MAK: variants seen among roughly 807,000 people sequenced by gnomAD.
MAK encodes the protein serine/threonine-protein kinase MAK.
Under a neutral mutation model 82.6 loss-of-function variants are expected in MAK, and 65 were observed. The observed-to-expected ratio is 0.79, with a 90% CI of 0.64 to 0.97. The LOEUF (loss-of-function observed/expected upper bound fraction) is 0.97. MAK is among the 50% of genes least tolerant of loss of function. MAK has a pLI of 0.00. For synonymous variants in MAK, 250 were observed against 274.2 expected (o/e 0.91, Z 0.87); for missense variants, 703 against 780.2 (o/e 0.90, Z 1.18).
chr6:10,822,323 G>T (rs1471544369), intron 2 of MAK, among the ~76,000 whole-genome samples: 1 of 151,624 alleles, frequency 6.6e-6, no homozygotes, highest in African/African-American at 2.4e-5. Flanking sequence ...GCATGGTGGC[G>T]CATGCCTATA....
At chr6:10,810,345 C>CTTTTTTTT (rs111859354) in intron 5 of MAK, among the ~76,000 whole-genome samples, 50 of 121,666 alleles carry the variant, frequency 4.1e-4, no homozygotes, top group African/African-American at 6.8e-4. Context: ...TTATCTTTTT[C>CTTTTTTTT]TTTTTTTTTT....
At chr6:10,813,779 A>G (rs1777246718) in intron 4 of MAK, 56 bp from the exon 5 acceptor site, 8 of 974,198 alleles carry the variant, frequency 8.2e-6, no homozygotes, top group Non-Finnish European at 1.3e-5. Context: ...AACCAATCCA[A>G]AGAAGGTTTA....
Position 10,776,889 on chromosome 6 carries a change from A to G in MAK, c.1466-1430T>C, listed in dbSNP as rs529360578. ...ATCACGAGGTCAGGAGTTTGAGACC[A>G]GCTTGGCCAACATAGTGAAACCCCA... On this transcript the variant is annotated intron_variant, in intron 11 of 14. Coordinates refer to ENST00000354489, the MANE Select transcript of MAK (RefSeq NM_001242957.3). The surrounding 1 kb of genome is among the most constrained non-coding windows in gnomAD (Gnocchi z 4.3). Among the ~76,000 whole-genome samples the G allele has an allele frequency of 9.3e-5, 14 of 151,190 alleles. No individual in the cohort carries two copies. In the East Asian group the frequency reaches 2.8e-3, roughly 30 times the overall value.
chr6:10,791,523 T>G (rs1775083020), intron 10 of MAK, 152 bp downstream of exon 10: 2 of 685,332 alleles, frequency 2.9e-6, no homozygotes, highest in Non-Finnish European at 4.9e-6. Flanking sequence ...TGCCTCGGCC[T>G]CCCAAAGTGC....
intron 8 of MAK, chr6:10,797,872 G>C (rs1198034646): frequency 1.6e-6 from 2 of 1,283,572 alleles, no homozygotes; most frequent in Admixed American, 2.4e-5. Context: ...TAAAAAGCAG[G>C]GCTGTGAAAC....
In MAK at chr6:10,834,376, A is replaced by G. The variant is rs560880661; in HGVS notation, c.-229-3499T>C. Among the ~76,000 whole-genome samples the G allele has an allele frequency of 1.2e-3, 183 of 152,334 alleles. 1 individual carries two copies. Among genetic ancestry groups the G allele is most frequent in the African/African-American group, 1.6e-3 (68 of 41,580 alleles). On this transcript the variant is annotated intron_variant, in intron 1 of 14. Transcript: ENST00000354489. ...AACTAGAGAATCAACGATGGAGTCA[A>G]TCCAATAGTTGCATTTGGCTTGATG...
At chr6:10,775,570 A>G (rs1773394672) in intron 11 of MAK, 111 bp from the exon 12 acceptor site, 2 of 1,206,730 alleles carry the variant, frequency 1.7e-6, no homozygotes, top group Admixed American at 3.5e-5. Context: ...AGGAGAATGG[A>G]AATAAATCTA....
intron 11 of MAK, among the ~76,000 whole-genome samples, chr6:10,777,121 T>C (rs1277277251): frequency 6.6e-6 from 1 of 151,754 alleles, no homozygotes; most frequent in East Asian, 1.9e-4. Context: ...TTAAAACATC[T>C]TTAGGCCAGG....
At chr6:10,823,604 A>G (rs1778126082) in intron 2 of MAK, among the ~76,000 whole-genome samples, 1 of 152,176 alleles carries the variant, frequency 6.6e-6, no homozygotes, top group African/African-American at 2.4e-5. Flanking sequence ...ATCTCAGCTC[A>G]CTGCAACCTC....
chr6:10,813,008 C>A (rs571605891), intron 5 of MAK, among the ~76,000 whole-genome samples: 5 of 139,806 alleles, frequency 3.6e-5, no homozygotes, highest in Non-Finnish European at 7.7e-5. Flanking sequence ...AAGGTGATCC[C>A]CCCCCCCGCC....
chr6:10,823,374 C>G (rs1176198747), intron 2 of MAK, among the ~76,000 whole-genome samples: 1 of 152,178 alleles, frequency 6.6e-6, no homozygotes, highest in Non-Finnish European at 1.5e-5. Flanking sequence ...CTCCCAGCCC[C>G]CGACACCGGC....
At position 10,803,578 on chromosome 6, in the gene MAK, A is replaced by G; in HGVS notation, c.663+142T>C. On this transcript the variant is annotated intron_variant, in intron 7 of 14. Coordinates refer to ENST00000354489, the MANE Select transcript of MAK (RefSeq NM_001242957.3). ...AAAAAGAATTATAAGAAAATTAATC[A>G]TTAAAGTATGAGCCTATTTCAAAAT... The G allele has an allele frequency of 8.8e-6, 6 of 681,196 alleles. No individual in the cohort carries two copies. In the South Asian group the frequency reaches 1.1e-4, roughly 12 times the overall value. 42.2% of individuals were successfully genotyped at this position (681,196 alleles called of 1,614,324 possible).
At chr6:10,780,754 C>T (rs1195903326) in intron 11 of MAK, among the ~76,000 whole-genome samples, 1 of 151,990 alleles carries the variant, frequency 6.6e-6, no homozygotes, top group Admixed American at 6.6e-5. Flanking sequence ...GCAAAATGTA[C>T]CAATTTAAAC....
intron 5 of MAK, among the ~76,000 whole-genome samples, chr6:10,809,424 C>T (rs1201610621): frequency 6.6e-6 from 1 of 152,156 alleles, no homozygotes; most frequent in African/African-American, 2.4e-5. Flanking sequence ...GGCTCGATCT[C>T]GGCTCAAGCA....
At chr6:10,837,220 T>C (rs143980321) in intron 1 of MAK, among the ~76,000 whole-genome samples, 1 of 152,278 alleles carries the variant, frequency 6.6e-6, no homozygotes, top group African/African-American at 2.4e-5. Context: ...GTCACCAAAC[T>C]CTTTAAAAAG....
intron 8 of MAK, among the ~76,000 whole-genome samples, chr6:10,798,322 T>C (rs796548011): frequency 9.9e-5 from 15 of 152,126 alleles, no homozygotes; most frequent in African/African-American, 3.4e-4. Flanking sequence ...ACCATGTTGG[T>C]CAGGCCGGTC....
chr6:10,777,082 A>G (rs1773523871), intron 11 of MAK, among the ~76,000 whole-genome samples: 1 of 150,940 alleles, frequency 6.6e-6, no homozygotes, highest in South Asian at 2.1e-4. Flanking sequence ...ACCTAACCAT[A>G]AAGATGCACT....
chr6:10,767,133 T>C (rs1581631704), intron 14 of MAK, among the ~76,000 whole-genome samples: 2 of 152,220 alleles, frequency 1.3e-5, no homozygotes, highest in African/African-American at 2.4e-5. Flanking sequence ...CAATGCTTGC[T>C]CTGTGTTTAA....
At chr6:10,797,835 T>C in intron 8 of MAK, 2 of 1,284,094 alleles carry the variant, frequency 1.6e-6, no homozygotes, top group Non-Finnish European at 2.0e-6. Context: ...CCAACCTCTC[T>C]CCCTAATTAG....
Sources: gnomAD v4.1 joint callset for allele counts (sites outside exome capture counted in the v4.1 genomes callset) on GRCh38, gnomAD v4.1.1 for gene constraint, Gnocchi (gnomAD v3.1) non-coding constraint, MANE v1.5 for transcripts, NCBI Gene and HGNC (gene_info 2026-07-23, HGNC 2026-07-21) for gene names.